Variants in CCDC138 observed in about 807,000 individuals in gnomAD.
CCDC138 encodes coiled-coil domain-containing protein 138.
Under a neutral mutation model 82.3 loss-of-function variants are expected in CCDC138, and 66 were observed. The ratio of observed to expected loss-of-function variants is 0.80; its 90% CI spans 0.66 to 0.98. CCDC138 has a LOEUF of 0.98. CCDC138 is among the 50% of genes least tolerant of loss of function. The pLI is 0.00. For missense variants in CCDC138, 816 were observed against 758.9 expected (o/e 1.08, Z -0.88); for synonymous variants, 297 against 265.4 (o/e 1.12, Z -1.16).
intron 10 of CCDC138, among the ~76,000 whole-genome samples, chr2:108,831,874 A>C (rs1687742975): frequency 6.6e-6 from 1 of 152,000 alleles, no homozygotes; most frequent in African/African-American, 2.4e-5. Context: ...CTGGGATTGC[A>C]GGCACTGGCC....
intron 13 of CCDC138, among the ~76,000 whole-genome samples, chr2:108,862,353 G>T (rs1443699224): frequency 2.0e-5 from 3 of 152,162 alleles, no homozygotes; most frequent in Non-Finnish European, 2.9e-5. Flanking sequence ...AGGGAATGCA[G>T]AGCTTCCTCA....
intron 14 of CCDC138, among the ~76,000 whole-genome samples, chr2:108,875,887 A>G (rs1429615651): frequency 6.6e-6 from 1 of 152,168 alleles, no homozygotes; most frequent in African/African-American, 2.4e-5. Context: ...TTTTTTCCCC[A>G]GTGGTTTTCT....
intron 4 of CCDC138, among the ~76,000 whole-genome samples, chr2:108,794,331 C>G (rs1192124079): frequency 6.6e-6 from 1 of 151,782 alleles, no homozygotes; most frequent in East Asian, 1.9e-4. Context: ...AGAAAAGTTG[C>G]AAAGATAGTG....
At chr2:108,788,817 G>C (rs1203705324) in intron 2 of CCDC138, 35 bp from the exon 3 acceptor site, 1 of 1,613,182 alleles carries the variant, frequency 6.2e-7, no homozygotes, top group African/African-American at 1.3e-5. Flanking sequence ...ATATATTGTT[G>C]TGGTAATCTT....
At chr2:108,859,505 T>G (rs1468753558) in intron 13 of CCDC138, among the ~76,000 whole-genome samples, 5 of 152,182 alleles carry the variant, frequency 3.3e-5, no homozygotes, top group African/African-American at 4.8e-5. Context: ...TTTCCTAGAT[T>G]TTCTTCTAGG....
intron 12 of CCDC138, among the ~76,000 whole-genome samples, chr2:108,855,118 CTT>C (rs1267448343): frequency 6.6e-6 from 1 of 151,984 alleles, no homozygotes; most frequent in Non-Finnish European, 1.5e-5. Context: ...TAAAAATACT[CTT>C]TTAGAAGTTA....
At chr2:108,851,848 C>T (rs1284245633) in intron 12 of CCDC138, among the ~76,000 whole-genome samples, 1 of 152,080 alleles carries the variant, frequency 6.6e-6, no homozygotes, top group African/African-American at 2.4e-5. Flanking sequence ...TATCATAACA[C>T]CACAGATACT....
chr2:108,880,237 G>A (rs539293836), downstream of CCDC138, among the ~76,000 whole-genome samples: 180 of 136,710 alleles, frequency 1.3e-3, no homozygotes, highest in African/African-American at 5.2e-3. Context: ...AAAAAAAAAC[G>A]AGAGAAGGCA....
intron 11 of CCDC138, among the ~76,000 whole-genome samples, chr2:108,841,771 A>AT (rs1290909984): frequency 1.3e-5 from 2 of 151,868 alleles, no homozygotes; most frequent in Non-Finnish European, 2.9e-5. Context: ...CTGTAACTTT[A>AT]TTTTTTTAAC....
chr2:108,807,962 C>G (rs553838827), intron 7 of CCDC138, among the ~76,000 whole-genome samples: 1 of 152,298 alleles, frequency 6.6e-6, no homozygotes, highest in South Asian at 2.1e-4. Context: ...CACATTCCTT[C>G]CTTTCCACAG....
At chr2:108,856,757 G>T in intron 12 of CCDC138, 37 bp from the exon 13 acceptor site, 1 of 1,587,416 alleles carries the variant, frequency 6.3e-7, no homozygotes, top group Non-Finnish European at 8.5e-7. Context: ...ACCTAGACTA[G>T]CAAAACTGCA....
Position 108,812,279 on chromosome 2 carries a change from T to C in CCDC138, c.856-352T>C, listed in dbSNP as rs181019619. Among the ~76,000 whole-genome samples the C allele has an allele frequency of 4.6e-5, 7 of 152,286 alleles. No individual in the cohort carries two copies. The East Asian group carries it at 1.4e-3, about 29-fold the overall frequency. On this transcript the variant is annotated intron_variant, in intron 7 of 14. Transcript: ENST00000295124. ...AGTCCCAGTAATGCAATCCCAGTTA[T>C]AGCTCATTGTACTGCATACTTAGGA...
At chr2:108,787,928 C>G in intron 1 of CCDC138, 104 bp from the exon 2 acceptor site, 1 of 996,594 alleles carries the variant, frequency 1.0e-6, no homozygotes, top group South Asian at 1.6e-5. Flanking sequence ...TACAAGATTT[C>G]TCCACTCTAA....
chr2:108,808,256 C>A (rs575815034), intron 7 of CCDC138, among the ~76,000 whole-genome samples: 2 of 152,032 alleles, frequency 1.3e-5, no homozygotes, highest in South Asian at 4.1e-4. Context: ...ATTTATCTAT[C>A]GATGGACACA....
intron 14 of CCDC138, among the ~76,000 whole-genome samples, chr2:108,874,379 A>G (rs945332565): frequency 6.6e-6 from 1 of 152,138 alleles, no homozygotes. Flanking sequence ...AACTTGTATA[A>G]CCAGTTACTA....
At chr2:108,799,494 A>G (rs780210298) in intron 6 of CCDC138, among the ~76,000 whole-genome samples, 8 of 151,990 alleles carry the variant, frequency 5.3e-5, no homozygotes, top group Non-Finnish European at 1.0e-4. Context: ...CCACTGACCT[A>G]TTTTCTGTCC....
At chr2:108,866,311 A>T (rs776916228) in intron 13 of CCDC138, among the ~76,000 whole-genome samples, 2 of 152,128 alleles carry the variant, frequency 1.3e-5, no homozygotes, top group African/African-American at 2.4e-5. Context: ...CATCACCTCC[A>T]TCTCAGTATC....
chr2:108,792,995 C>T (rs554704246), intron 4 of CCDC138, among the ~76,000 whole-genome samples: 2 of 151,316 alleles, frequency 1.3e-5, no homozygotes, highest in Non-Finnish European at 2.9e-5. Context: ...ACCCGGGAAG[C>T]GGAGGTTGCA....
chr2:108,794,756 T>G, intron 5 of CCDC138, 35 bp downstream of exon 5: 1 of 1,479,916 alleles, frequency 6.8e-7, no homozygotes, highest in Non-Finnish European at 9.3e-7. Context: ...AATTCAGAAA[T>G]ATTTATGTTC....
Sources: allele counts gnomAD v4.1 joint callset (sites outside exome capture counted in the v4.1 genomes callset), GRCh38; gene constraint gnomAD v4.1.1; transcripts MANE v1.5; gene names NCBI Gene and HGNC (gene_info 2026-07-23, HGNC 2026-07-21).